PDCD10: variants seen among roughly 807,000 people sequenced by gnomAD.
The protein encoded by PDCD10 is programmed cell death 10.
PDCD10 carries 4 observed loss-of-function variants against 29.2 expected under a neutral mutation model. That is an observed-to-expected ratio of 0.14 (90% CI 0.07 to 0.31). The LOEUF (loss-of-function observed/expected upper bound fraction) is 0.31. PDCD10 is among the 10% of genes least tolerant of loss of function. The pLI, the probability that PDCD10 is intolerant of heterozygous loss-of-function variation, is 1.00. For synonymous variants in PDCD10, 70 were observed against 82.2 expected (o/e 0.85, Z 0.80); for missense variants, 183 against 257.9 (o/e 0.71, Z 1.99).
intron 3 of PDCD10, among the ~76,000 whole-genome samples, chr3:167,711,327 C>G (rs1231923106): frequency 6.6e-6 from 1 of 152,062 alleles, no homozygotes; most frequent in Admixed American, 6.6e-5. Flanking sequence ...AACAAAGAGA[C>G]TGAAATTATT....
rs1478990554 is a variant in PDCD10 at position 167,734,816 on chromosome 3, G to C, written c.-408C>G. 1 of 153,902 alleles carries C rather than the reference G, an allele frequency of 6.5e-6. No homozygotes were observed. Among genetic ancestry groups the C allele is most frequent in the Non-Finnish European group, 1.4e-5 (1 of 69,096 alleles). The allele number at this position is 153,902 out of a possible 1,614,324, so 9.5% of individuals were successfully genotyped here. Reference sequence around the variant, plus strand: ...ACAGCTACACCTTACCAGCAACTGAGGCACTGACTTCACTTCCCACCTTGC... The same window carrying C: ...ACAGCTACACCTTACCAGCAACTGACGCACTGACTTCACTTCCCACCTTGC... On this transcript the variant is annotated 5_prime_UTR_variant, in exon 1 of 9. Transcript: ENST00000392750.
intron 5 of PDCD10, 133 bp from the exon 6 acceptor site, chr3:167,695,855 C>T: frequency 1.2e-6 from 1 of 853,818 alleles, no homozygotes; most frequent in Non-Finnish European, 2.0e-6. Context: ...GACAAGGTTG[C>T]AAAGCAGAAT....
intron 6 of PDCD10, among the ~76,000 whole-genome samples, chr3:167,692,644 C>T (rs920080384): frequency 1.3e-5 from 2 of 152,218 alleles, no homozygotes; most frequent in Admixed American, 1.3e-4. Flanking sequence ...TTAGGCCAGG[C>T]GTGTTGGCTC....
intron 3 of PDCD10, among the ~76,000 whole-genome samples, chr3:167,712,213 C>A (rs1362536433): frequency 6.6e-6 from 1 of 151,810 alleles, no homozygotes; most frequent in African/African-American, 2.4e-5. Context: ...TCAAGACAAA[C>A]CGTACAATAA....
intron 3 of PDCD10, among the ~76,000 whole-genome samples, chr3:167,710,181 G>A (rs1160501840): frequency 6.6e-6 from 1 of 152,138 alleles, no homozygotes; most frequent in Non-Finnish European, 1.5e-5. Flanking sequence ...GCTATGGTGA[G>A]AGACTCCTGC....
intron 6 of PDCD10, among the ~76,000 whole-genome samples, chr3:167,688,654 G>A (rs1428961403): frequency 1.3e-5 from 2 of 151,900 alleles, no homozygotes; most frequent in Admixed American, 6.6e-5. Flanking sequence ...CATTCTCTGC[G>A]ACAAACCTTC....
At chr3:167,685,935 G>A (rs1301826936) in intron 8 of PDCD10, among the ~76,000 whole-genome samples, 1 of 152,112 alleles carries the variant, frequency 6.6e-6, no homozygotes, top group Non-Finnish European at 1.5e-5. Flanking sequence ...TAATATAAAT[G>A]TAAATACTTC....
At chr3:167,716,455 G>C (rs565868349) in intron 3 of PDCD10, among the ~76,000 whole-genome samples, 17 of 151,868 alleles carry the variant, frequency 1.1e-4, no homozygotes, top group Non-Finnish European at 2.1e-4. Flanking sequence ...TGAGGGGATG[G>C]ATAACCCATT....
intron 2 of PDCD10, among the ~76,000 whole-genome samples, chr3:167,726,256 C>T (rs1048704394): frequency 6.6e-6 from 1 of 151,530 alleles, no homozygotes; most frequent in African/African-American, 2.4e-5. Context: ...CCTGCCACCA[C>T]GCCTGGCTAT....
intron 2 of PDCD10, among the ~76,000 whole-genome samples, chr3:167,722,194 T>G (rs533931744): frequency 6.6e-6 from 1 of 151,994 alleles, no homozygotes; most frequent in East Asian, 1.9e-4. Context: ...AAGTAAGAAA[T>G]GGCAAAACAA....
intron 4 of PDCD10, among the ~76,000 whole-genome samples, chr3:167,699,530 T>C (rs1207906336): frequency 1.3e-5 from 2 of 152,222 alleles, no homozygotes; most frequent in African/African-American, 4.8e-5. Context: ...TGGCTCTGAC[T>C]GACAAAATGA....
At chr3:167,709,127 G>T (rs981545220) in intron 3 of PDCD10, among the ~76,000 whole-genome samples, 2 of 151,766 alleles carry the variant, frequency 1.3e-5, no homozygotes, top group Non-Finnish European at 2.9e-5. Context: ...TTTGAGGTCT[G>T]GTTTATTTTA....
At chr3:167,687,168 TTCATA>T (rs1368936636) in intron 8 of PDCD10, 61 bp downstream of exon 8, 4 of 846,064 alleles carry the variant, frequency 4.7e-6, no homozygotes, top group Non-Finnish European at 7.9e-6. Flanking sequence ...TTATGTGGTT[TTCATA>T]TCATATAAAA....
chr3:167,684,451 A>T, intron 8 of PDCD10, 62 bp from the exon 9 acceptor site: 2 of 921,132 alleles, frequency 2.2e-6, no homozygotes, highest in Non-Finnish European at 1.8e-6. Flanking sequence ...TTTAAGATTT[A>T]TACTATTAAC....
rs541119373 is a variant in PDCD10 at position 167,725,248 on chromosome 3, C to G, written c.-116-4975G>C. On this transcript the variant is annotated intron_variant, in intron 2 of 8. Transcript: ENST00000392750. ...CTCCAGCCTGGGCAACAGAGCGAGA[C>G]TCTGTCTCAAAAAAGAAAAAAAAAA... Among the ~76,000 whole-genome samples, 339 of 124,462 alleles carry G rather than the reference C, an allele frequency of 2.7e-3. 2 individuals carry two copies. The highest frequency in any genetic ancestry group is 0.01 in the African/African-American group (320 of 31,994). The allele number at this position is 124,462 out of a possible 152,430, so 81.7% of individuals were successfully genotyped here.
intron 6 of PDCD10, among the ~76,000 whole-genome samples, chr3:167,693,352 A>G (rs1175836908): frequency 6.6e-6 from 1 of 152,216 alleles, no homozygotes; most frequent in Non-Finnish European, 1.5e-5. Flanking sequence ...ATTATTCTCT[A>G]AAGTTATTCC....
chr3:167,705,352 A>G (rs1175148932), intron 3 of PDCD10, among the ~76,000 whole-genome samples: 2 of 152,260 alleles, frequency 1.3e-5, no homozygotes, highest in South Asian at 2.1e-4. Context: ...ACTCAATTGT[A>G]TATATTTTTT....
intron 3 of PDCD10, among the ~76,000 whole-genome samples, chr3:167,707,376 T>A (rs1019727156): frequency 4.8e-4 from 73 of 152,118 alleles, no homozygotes; most frequent in African/African-American, 1.8e-3. Context: ...CTAGGGTAAC[T>A]TTAAAGAATA....
chr3:167,721,745 T>A (rs1461004654), intron 2 of PDCD10, among the ~76,000 whole-genome samples: 2 of 152,174 alleles, frequency 1.3e-5, no homozygotes, highest in African/African-American at 4.8e-5. Flanking sequence ...ACCTACTCCA[T>A]GACTTGACAG....
Sources: allele counts gnomAD v4.1 joint callset (sites outside exome capture counted in the v4.1 genomes callset), GRCh38; gene constraint gnomAD v4.1.1; transcripts MANE v1.5; gene names NCBI Gene and HGNC (gene_info 2026-07-23, HGNC 2026-07-21).